Variants in TET2 observed in about 807,000 individuals in gnomAD.
TET2 encodes methylcytosine dioxygenase TET2.
A neutral mutation model predicts 142.9 loss-of-function variants in TET2; 299 were observed. That is an observed-to-expected ratio of 2.09 (90% CI 1.90 to 2.30). The LOEUF (loss-of-function observed/expected upper bound fraction) is 2.30, where lower values mean the gene tolerates loss of function less well. TET2 is among the 30% of genes most tolerant of loss of function. TET2 has a pLI of 0.00. For synonymous variants in TET2, 819 were observed against 849.0 expected (o/e 0.96, Z 0.61); for missense variants, 2,418 against 2,378.0 (o/e 1.02, Z -0.35).
chr4:105,254,297 T>C (rs1291813337), intron 6 of TET2, among the ~76,000 whole-genome samples: 1 of 152,232 alleles, frequency 6.6e-6, no homozygotes, highest in Non-Finnish European at 1.5e-5. Flanking sequence ...TTCATAGATA[T>C]AGGCCTATTT....
At chr4:105,164,997 A>G (rs1293040351) in intron 1 of TET2, among the ~76,000 whole-genome samples, 1 of 152,192 alleles carries the variant, frequency 6.6e-6, no homozygotes, top group Non-Finnish European at 1.5e-5. Flanking sequence ...AAAAAGTACT[A>G]AGGACTATAG....
At chr4:105,204,812 T>C (rs1726719941) in intron 2 of TET2, among the ~76,000 whole-genome samples, 1 of 152,204 alleles carries the variant, frequency 6.6e-6, no homozygotes, top group African/African-American at 2.4e-5. Flanking sequence ...AGCACCTCTG[T>C]GTACACTAAG....
rs1183831733 is a variant in TET2 at position 105,274,523 on chromosome 4, T to C, written c.4538-525T>C. ...GCAAATTCCATTGCATGCCAGGCAA[T>C]GAAGAAGTAAGTAAAATAAAACATT... On this transcript the variant is annotated intron_variant, in intron 10 of 10. Coordinates refer to ENST00000380013, the MANE Select transcript of TET2 (RefSeq NM_001127208.3). Among the ~76,000 whole-genome samples, 5 of 152,298 alleles carry C rather than the reference T, an allele frequency of 3.3e-5. No homozygotes were observed. In the East Asian group the frequency reaches 9.6e-4, roughly 29 times the overall value.
In TET2 at chr4:105,279,264, C is replaced by G. The variant is rs1475575308; in HGVS notation, c.*2745C>G. The G allele has an allele frequency of 8.6e-6, 2 of 231,636 alleles. No homozygotes were observed. The highest frequency in any genetic ancestry group is 1.7e-5 in the Non-Finnish European group (2 of 117,286). 14.3% of individuals were successfully genotyped at this position (231,636 alleles called of 1,614,324 possible). On this transcript the variant is annotated 3_prime_UTR_variant, in exon 11 of 11. Coordinates refer to ENST00000380013, the MANE Select transcript of TET2 (RefSeq NM_001127208.3). ...CTACTGTCATTTGTTAAACTGCTGG[C>G]CAACAAGAACAGGAAGTATAGTTTG...
intron 1 of TET2, among the ~76,000 whole-genome samples, chr4:105,157,333 A>C (rs1308234028): frequency 1.3e-5 from 2 of 152,168 alleles, no homozygotes; most frequent in Non-Finnish European, 2.9e-5. Flanking sequence ...ATTTTAGTAA[A>C]TAATTATTTT....
chr4:105,156,182 T>G (rs573652707), intron 1 of TET2, among the ~76,000 whole-genome samples: 1 of 152,352 alleles, frequency 6.6e-6, no homozygotes, highest in African/African-American at 2.4e-5. Flanking sequence ...AATGTAAATC[T>G]GTTCTCGCAT....
At chr4:105,204,230 T>TACAC (rs1250312543) in intron 2 of TET2, among the ~76,000 whole-genome samples, 23 of 100,548 alleles carry the variant, frequency 2.3e-4, no homozygotes, top group Non-Finnish European at 3.1e-4. Flanking sequence ...AAAAAAAAAA[T>TACAC]ATATACACAC....
chr4:105,217,032 A>G lies in TET2; in HGVS notation c.-46-16865A>G, dbSNP rs553537450. Among the ~76,000 whole-genome samples, 10 of 152,090 alleles carry G rather than the reference A, an allele frequency of 6.6e-5. No homozygotes were observed. The East Asian group carries it at 1.3e-3, about 21-fold the overall frequency. ...AATGTTTAGATTTTTTGAGTTTACA[A>G]TTTTTTTGTGTGTTCTTTCTTTGTT... On this transcript the variant is annotated intron_variant, in intron 2 of 10. Transcript: ENST00000380013.
Position 105,276,547 on chromosome 4 carries a change from C to T in TET2, c.*28C>T, listed in dbSNP as rs2110317272. On this transcript the variant is annotated 3_prime_UTR_variant, in exon 11 of 11. Coordinates refer to ENST00000380013, the MANE Select transcript of TET2 (RefSeq NM_001127208.3). ...TCACCCCCTTTTGTTGGTTACCTCA[C>T]TTGAAAAGACCACAACCAACCTGTC... The T allele has an allele frequency of 6.5e-7, 1 of 1,534,298 alleles. No individual in the cohort carries two copies. The highest frequency in any genetic ancestry group is 1.2e-5 in the South Asian group (1 of 81,640).
At chr4:105,253,252 C>T (rs1430734607) in intron 6 of TET2, among the ~76,000 whole-genome samples, 1 of 152,100 alleles carries the variant, frequency 6.6e-6, no homozygotes, top group African/African-American at 2.4e-5. Context: ...TGATAGATTG[C>T]ACTGCATTTC....
At chr4:105,200,442 G>A (rs1260209704) in intron 2 of TET2, among the ~76,000 whole-genome samples, 1 of 148,928 alleles carries the variant, frequency 6.7e-6, no homozygotes, top group South Asian at 2.1e-4. Flanking sequence ...ATAGATGCTG[G>A]ATACTATTGT....
rs1256551308 is a variant in TET2, at chr4:105,243,562, C to A, written c.3595-8C>A. 6.4e-7 allele frequency: 1 copy of A among 1,551,346 alleles called. No individual in the cohort carries two copies. Among genetic ancestry groups the A allele is most frequent in the Non-Finnish European group, 8.7e-7 (1 of 1,146,862 alleles). ...GGGGTGTTTGGGATGGAATGGTGAT[C>A]CACGCAGGTGGTTCGCAGAAGCAGC... On this transcript the variant is annotated splice_region_variant and splice_polypyrimidine_tract_variant and intron_variant, in intron 5 of 10. Coordinates refer to ENST00000380013, the MANE Select transcript of TET2 (RefSeq NM_001127208.3).
chr4:105,224,724 C>CTCTCTCTCTG, intron 2 of TET2, among the ~76,000 whole-genome samples: 2 of 150,046 alleles, frequency 1.3e-5, no homozygotes, highest in South Asian at 2.1e-4. Context: ...CTCTCTCTCT[C>CTCTCTCTCTG]TCTGTCTCGT....
At position 105,276,312 on chromosome 4, in the gene TET2, G is replaced by A. The variant is rs569967455; in HGVS notation, c.5802G>A (p.Lys1934=). 40 of 1,551,684 alleles carry A rather than the reference G, an allele frequency of 2.6e-5. No individual in the cohort carries two copies. In the African/African-American group the frequency reaches 4.8e-4, roughly 19 times the overall value. ...GTGAGAAAGAGGAAGAGTGTGAAAAGTATGGCCCAGACTATGTGCCTCAGA... is the reference window on the plus strand; with the variant it reads ...GTGAGAAAGAGGAAGAGTGTGAAAAATATGGCCCAGACTATGTGCCTCAGA... The part of the protein sequence containing the change: ...KAREKEEECE[K]YGPDYVPQKS... The change falls in exon 11 of 11, where the codon AAG becomes AAA. Residue 1934 remains lysine (K), a synonymous_variant. Coordinates refer to ENST00000380013, the MANE Select transcript of TET2 (RefSeq NM_001127208.3).
At chr4:105,162,079 A>G (rs1419267981) in intron 1 of TET2, among the ~76,000 whole-genome samples, 2 of 152,236 alleles carry the variant, frequency 1.3e-5, no homozygotes, top group South Asian at 2.1e-4. Flanking sequence ...TTGAAAGTGC[A>G]CAGAATCCTT....
intron 1 of TET2, among the ~76,000 whole-genome samples, chr4:105,163,834 A>AGC (rs1723987930): frequency 7.2e-6 from 1 of 138,032 alleles, no homozygotes; most frequent in Non-Finnish European, 1.6e-5. Context: ...AGAGAGAGAG[A>AGC]GAGAGAGAGA....
intron 1 of TET2, among the ~76,000 whole-genome samples, chr4:105,185,366 T>C (rs968935258): frequency 1.3e-5 from 2 of 152,220 alleles, no homozygotes; most frequent in African/African-American, 4.8e-5. Flanking sequence ...GGTAAACAAC[T>C]GATAGTATTT....
Position 105,234,465 on chromosome 4 carries a change from G to A in TET2, c.523G>A (p.Glu175Lys), listed in dbSNP as rs1343154406. Residue 175 changes from glutamate (E) to lysine (K), a missense_variant, in exon 3 of 11, where the codon GAA becomes AAA. Transcript: ENST00000380013. ...TTCAACACATAACTGCAGTGGGCCT[G>A]AAAATCCAGAGCTTCAGATTCTGAA... ...SFSTHNCSGP[E>K]NPELQILNEQ... 1.9e-6 allele frequency: 3 copies of A among 1,613,924 alleles called. No homozygotes were observed. The Admixed American group carries it at 5.0e-5, about 27-fold the overall frequency.
At chr4:105,184,768 A>T (rs1440048710) in intron 1 of TET2, among the ~76,000 whole-genome samples, 1 of 151,964 alleles carries the variant, frequency 6.6e-6, no homozygotes. Context: ...TGTGTATAAG[A>T]ATAGGAGAAA....
Sources: allele counts gnomAD v4.1 joint callset (sites outside exome capture counted in the v4.1 genomes callset), GRCh38; gene constraint gnomAD v4.1.1; transcripts MANE v1.5; gene names NCBI Gene and HGNC (gene_info 2026-07-23, HGNC 2026-07-21).